The following SYT9 variants were observed in gnomAD, a reference collection of about 807,000 sequenced individuals.
SYT9 encodes the protein synaptotagmin-9.
SYT9 carries 22 observed loss-of-function variants against 48.4 expected under a neutral mutation model. The ratio of observed to expected loss-of-function variants is 0.45; its 90% confidence interval spans 0.32 to 0.65. The LOEUF (loss-of-function observed/expected upper bound fraction) is 0.65. Ranked by LOEUF, SYT9 falls within the 30% of genes least tolerant of loss-of-function variation. SYT9 has a pLI of 0.03. For synonymous variants in SYT9, 265 were observed against 245.0 expected (o/e 1.08, Z -0.76); for missense variants, 577 against 622.0 (o/e 0.93, Z 0.77).
chr11:7,424,674 G>A (rs7118182), intron 6 of SYT9, among the ~76,000 whole-genome samples: 118,962 of 152,168 alleles, frequency 0.78, 47,254 homozygotes, highest in African/African-American at 0.93. Context: ...AAGAGAATCC[G>A]ATCAGAATAT....
rs574237084 is a variant in SYT9 at position 7,375,118 on chromosome 11, G to A, written c.1045-40924G>A. 6.6e-5 allele frequency among the ~76,000 whole-genome samples: 10 copies of A among 152,278 alleles called. No individual in the cohort carries two copies. The East Asian group carries it at 1.9e-3, about 29-fold the overall frequency. On this transcript the variant is annotated intron_variant, in intron 3 of 6. Transcript: ENST00000318881. Reference sequence around the variant, plus strand: ...GTATAAGGTGTAAGGAAGGGGTCCAGTCTCAGTTTTCTGCATATGGCTAGC... The same window carrying A: ...GTATAAGGTGTAAGGAAGGGGTCCAATCTCAGTTTTCTGCATATGGCTAGC...
chr11:7,429,576 T>G (rs1282198325), intron 6 of SYT9, among the ~76,000 whole-genome samples: 1 of 152,182 alleles, frequency 6.6e-6, no homozygotes, highest in Non-Finnish European at 1.5e-5. Context: ...TTAAGCAGAA[T>G]TTATTTTATT....
At chr11:7,310,045 G>C (rs1396675605) in intron 2 of SYT9, among the ~76,000 whole-genome samples, 1 of 152,214 alleles carries the variant, frequency 6.6e-6, no homozygotes, top group African/African-American at 2.4e-5. Context: ...GGAGGGGAAA[G>C]TGTTGGGAAT....
chr11:7,451,729 G>A (rs1040810679), intron 6 of SYT9, among the ~76,000 whole-genome samples: 2 of 152,326 alleles, frequency 1.3e-5, no homozygotes, highest in African/African-American at 4.8e-5. Context: ...CTGTGAGGAT[G>A]CAAATGTGGG....
intron 3 of SYT9, among the ~76,000 whole-genome samples, chr11:7,354,735 A>C (rs1849984147): frequency 6.6e-6 from 1 of 152,020 alleles, no homozygotes. Context: ...GCCCAACTTG[A>C]TGCTTTACAG....
intron 3 of SYT9, among the ~76,000 whole-genome samples, chr11:7,395,866 T>A (rs1297114806): frequency 6.6e-6 from 1 of 152,156 alleles, no homozygotes; most frequent in Non-Finnish European, 1.5e-5. Flanking sequence ...GAGGTTTTGT[T>A]TCTGTTATGA....
intron 6 of SYT9, among the ~76,000 whole-genome samples, chr11:7,431,581 G>C (rs995127498): frequency 6.6e-6 from 1 of 152,174 alleles, no homozygotes; most frequent in African/African-American, 2.4e-5. Flanking sequence ...AAGGCATTTC[G>C]GAGACCTTGG....
chr11:7,344,444 T>G (rs1473401128), intron 3 of SYT9, among the ~76,000 whole-genome samples: 1 of 152,218 alleles, frequency 6.6e-6, no homozygotes, highest in Non-Finnish European at 1.5e-5. Context: ...GGGTATGTTT[T>G]CAGTGGCGTG....
At chr11:7,428,550 G>A (rs900934771) in intron 6 of SYT9, among the ~76,000 whole-genome samples, 1 of 152,210 alleles carries the variant, frequency 6.6e-6, no homozygotes, top group African/African-American at 2.4e-5. Context: ...GGCAAAGGCG[G>A]AGCACCCTGG....
At chr11:7,354,620 T>C (rs1849981965) in intron 3 of SYT9, among the ~76,000 whole-genome samples, 1 of 152,126 alleles carries the variant, frequency 6.6e-6, no homozygotes, top group Admixed American at 6.5e-5. Context: ...GATTGAGTAA[T>C]TCCAGGTTCT....
chr11:7,440,630 G>C (rs1847813265), intron 6 of SYT9: 1 of 152,216 alleles, frequency 6.6e-6, no homozygotes, highest in Admixed American at 6.5e-5. Flanking sequence ...GAGAATACAG[G>C]TGGTATTTTC....
At chr11:7,424,144 A>G (rs181884012) in intron 6 of SYT9, among the ~76,000 whole-genome samples, 1 of 152,282 alleles carries the variant, frequency 6.6e-6, no homozygotes, top group East Asian at 1.9e-4. Flanking sequence ...GTTGCATCCA[A>G]TACACCCTGA....
chr11:7,249,632 T>C (rs1847834576), upstream of SYT9, among the ~76,000 whole-genome samples: 1 of 152,208 alleles, frequency 6.6e-6, no homozygotes, highest in Non-Finnish European at 1.5e-5. Context: ...AGTAGAAACA[T>C]AACAGAAACA....
At chr11:7,301,934 G>T (rs767927641) in intron 1 of SYT9, among the ~76,000 whole-genome samples, 1 of 152,194 alleles carries the variant, frequency 6.6e-6, no homozygotes, top group Admixed American at 6.5e-5. Flanking sequence ...AACCTTAGGG[G>T]CATAGTCACT....
chr11:7,365,275 TA>T (rs1309465899), intron 3 of SYT9, among the ~76,000 whole-genome samples: 1 of 152,142 alleles, frequency 6.6e-6, no homozygotes, highest in Non-Finnish European at 1.5e-5. Context: ...TGCTTCAGTC[TA>T]AAAAAATCCA....
chr11:7,448,405 A>T (rs749376368), intron 6 of SYT9, among the ~76,000 whole-genome samples: 2 of 152,248 alleles, frequency 1.3e-5, no homozygotes, highest in Non-Finnish European at 2.9e-5. Flanking sequence ...CAGACACCTC[A>T]TGCACATCTT....
intron 3 of SYT9, among the ~76,000 whole-genome samples, chr11:7,383,121 A>G (rs1850596860): frequency 6.6e-6 from 1 of 152,238 alleles, no homozygotes; most frequent in Non-Finnish European, 1.5e-5. Context: ...TAGGATGATC[A>G]AACTATTAAC....
At chr11:7,413,732 G>A (rs1479156273) in intron 3 of SYT9, among the ~76,000 whole-genome samples, 3 of 151,064 alleles carry the variant, frequency 2.0e-5, no homozygotes, top group Non-Finnish European at 4.4e-5. Context: ...CATGGTAGAG[G>A]CACATAGCTG....
intron 3 of SYT9, among the ~76,000 whole-genome samples, chr11:7,405,498 A>G (rs1846991002): frequency 6.6e-6 from 1 of 152,224 alleles, no homozygotes; most frequent in Non-Finnish European, 1.5e-5. Flanking sequence ...TCAGATGCCA[A>G]TGAACTCTTG....
Sources: gnomAD v4.1 joint callset for allele counts (sites outside exome capture counted in the v4.1 genomes callset) on GRCh38, gnomAD v4.1.1 for gene constraint, MANE v1.5 for transcripts, NCBI Gene and HGNC (gene_info 2026-07-23, HGNC 2026-07-21) for gene names.